The following FAM13B variants were observed in gnomAD, a reference collection of about 807,000 sequenced individuals.
The protein encoded by FAM13B is protein FAM13B.
A neutral mutation model predicts 117.3 loss-of-function variants in FAM13B; 60 were observed. That is an observed-to-expected ratio of 0.51 (90% CI 0.42 to 0.63). The LOEUF is 0.63. FAM13B is among the 30% of genes least tolerant of loss of function. The pLI is 0.00. For missense variants in FAM13B, 972 were observed against 1,091.9 expected, an observed-to-expected ratio of 0.89 and a Z score of 1.55; for synonymous variants, 332 against 356.1, an observed-to-expected ratio of 0.93 and a Z score of 0.76.
Position 138,018,948 on chromosome 5 carries a change from T to G in FAM13B, c.157+7A>C, listed in dbSNP as rs564004929. The G allele has an allele frequency of 1.6e-4, 254 of 1,601,822 alleles. 5 individuals carry two copies. In the South Asian group the frequency reaches 2.7e-3, roughly 17 times the overall value. The stretch of plus-strand genomic sequence containing the variant: ...AAAGCTAGCCCTCAAAGTAAGGAAA[T>G]GTATACCATGTTCCTCAATATAGTC... On this transcript the variant is annotated splice_region_variant and intron_variant, in intron 3 of 23. Transcript: ENST00000689681.
chr5:137,940,329 G>A lies in FAM13B; in HGVS notation c.2710C>T (p.Arg904Cys), dbSNP rs1761260411. The A allele has an allele frequency of 3.7e-6, 6 of 1,604,194 alleles. No individual in the cohort carries two copies. The highest frequency in any genetic ancestry group is 5.1e-6 in the Non-Finnish European group (6 of 1,173,446). The change falls in exon 24 of 24, where the codon CGT (arginine) becomes TGT (cysteine). Residue 904 changes from arginine to cysteine, a missense_variant. Arg to Cys is a radical substitution (Grantham distance 180, BLOSUM62 -3). Transcript: ENST00000689681. ...CTGTACTCCTCAAGCACTGGAACAC[G>A]ATCCTCTTTCTGGGCATTCCTAGGG... ...QNGRNAQKED[R>C]VPVLEEYREY... is the part of the protein sequence containing the mutation.
Position 138,018,285 on chromosome 5 carries a change from G to A in FAM13B, c.370+17C>T, listed in dbSNP as rs535360258. The A allele has an allele frequency of 7.4e-5, 117 of 1,586,624 alleles. No individual in the cohort carries two copies. In the East Asian group the frequency reaches 2.3e-3, roughly 31 times the overall value. ...TTAACAACAAATGACCAATTGATAA[G>A]TATCAAATTATGTTACCTTGAGAAA... On this transcript the variant is annotated intron_variant, in intron 4 of 23. Transcript: ENST00000689681.
At chr5:138,051,574 TAGTC>T (rs1176553109) in intron 1 of FAM13B, among the ~76,000 whole-genome samples, 4 of 152,344 alleles carry the variant, frequency 2.6e-5, no homozygotes, top group East Asian at 1.9e-4. Context: ...TTGTATTACT[TAGTC>T]AGTGAATTCT....
At chr5:137,944,763 C>A (rs200345221) in intron 20 of FAM13B, among the ~76,000 whole-genome samples, 68 of 147,492 alleles carry the variant, frequency 4.6e-4, no homozygotes, top group African/African-American at 7.1e-4. Flanking sequence ...ATCTCAAAAA[C>A]AAAAAAAAAA....
chr5:138,051,624 C>T (rs1216945783), intron 1 of FAM13B, among the ~76,000 whole-genome samples: 1 of 152,174 alleles, frequency 6.6e-6, no homozygotes. Flanking sequence ...CTGATTGCAA[C>T]GTCTTCATTT....
intron 10 of FAM13B, among the ~76,000 whole-genome samples, chr5:137,972,313 C>A (rs1268197617): frequency 5.9e-5 from 9 of 151,804 alleles, no homozygotes; most frequent in African/African-American, 1.7e-4. Context: ...TCAATATACA[C>A]AAATCAATAA....
At chr5:137,947,398 C>G (rs550338769) in intron 18 of FAM13B, among the ~76,000 whole-genome samples, 1 of 152,120 alleles carries the variant, frequency 6.6e-6, no homozygotes, top group African/African-American at 2.4e-5. Flanking sequence ...AAAGATAATA[C>G]ATTTGCATAA....
In FAM13B at chr5:138,033,079, T is replaced by G; in HGVS notation, c.-500A>C. On this transcript the variant is annotated 5_prime_UTR_variant, in exon 1 of 24. Transcript: ENST00000689681. ...TAACGGCGAGCGGGAGGAGAGCGGC[T>G]GGCGGGCGGAGGCCGGGCCGGACGT... The G allele has an allele frequency of 1.1e-6, 1 of 949,056 alleles. No individual in the cohort carries two copies. The highest frequency in any genetic ancestry group is 1.2e-6 in the Non-Finnish European group (1 of 818,990). The allele number at this position is 949,056 out of a possible 1,614,324, so 58.8% of individuals were successfully genotyped here.
chr5:138,001,837 T>A (rs959610122), intron 7 of FAM13B, among the ~76,000 whole-genome samples: 2 of 151,998 alleles, frequency 1.3e-5, no homozygotes, highest in Non-Finnish European at 2.9e-5. Flanking sequence ...AGAAGAACAG[T>A]CCAGTGCAAA....
chr5:137,990,873 A>C (rs1296042836), intron 7 of FAM13B, among the ~76,000 whole-genome samples: 1 of 152,192 alleles, frequency 6.6e-6, no homozygotes, highest in African/African-American at 2.4e-5. Context: ...AAAGGCTATG[A>C]AACTGGCATG....
At chr5:138,002,174 T>C (rs1781431916) in intron 7 of FAM13B, among the ~76,000 whole-genome samples, 1 of 152,210 alleles carries the variant, frequency 6.6e-6, no homozygotes, top group South Asian at 2.1e-4. Flanking sequence ...AAAGTACTTT[T>C]ATAATTTTTA....
upstream of FAM13B, among the ~76,000 whole-genome samples, chr5:138,035,301 G>A (rs77915370): frequency 0.13 from 19,898 of 151,718 alleles, 1,553 homozygotes; most frequent in Non-Finnish European, 0.17. Context: ...GTGAGCCACC[G>A]TGCCCGGCCT....
At chr5:137,985,513 C>G (rs757928980) in intron 9 of FAM13B, 124 bp from the exon 10 acceptor site, 63 of 851,856 alleles carry the variant, frequency 7.4e-5, no homozygotes, top group Non-Finnish European at 1.0e-4. Context: ...GTGTACCTTT[C>G]ACAAAAATCC....
rs1041163054 is a variant in FAM13B, at chr5:138,044,518, C to T, written c.-203+7360G>A. On this transcript the variant is annotated intron_variant, in intron 1 of 3. Coordinates refer to the FAM13B transcript ENST00000502471. ...AGTGACCCAAGATCACACCATTGCACTCCAGCCTGGGCGACAGAGCAAGAC... is the reference window on the plus strand; with the variant it reads ...AGTGACCCAAGATCACACCATTGCATTCCAGCCTGGGCGACAGAGCAAGAC... 4.7e-5 allele frequency among the ~76,000 whole-genome samples: 7 copies of T among 149,928 alleles called. No homozygotes were observed. The Admixed American group carries it at 4.7e-4, about 10-fold the overall frequency.
intron 1 of FAM13B, among the ~76,000 whole-genome samples, chr5:138,045,598 T>C (rs922408673): frequency 6.6e-6 from 1 of 152,072 alleles, no homozygotes; most frequent in Admixed American, 6.6e-5. Flanking sequence ...TGTTGAATCA[T>C]AGCAATAAAG....
chr5:138,021,290 T>C, intron 1 of FAM13B, 93 bp from the exon 2 acceptor site: 1 of 965,998 alleles, frequency 1.0e-6, no homozygotes, highest in Non-Finnish European at 1.3e-6. Context: ...TCTTAAGAGG[T>C]TACCTATATT....
chr5:138,044,383 C>G (rs949070684), intron 1 of FAM13B, among the ~76,000 whole-genome samples: 1 of 152,006 alleles, frequency 6.6e-6, no homozygotes, highest in Non-Finnish European at 1.5e-5. Flanking sequence ...GAAACCCAGT[C>G]TCTAATAAAA....
intron 10 of FAM13B, among the ~76,000 whole-genome samples, chr5:137,983,368 AG>A (rs1173814283): frequency 1.3e-5 from 2 of 152,102 alleles, no homozygotes; most frequent in African/African-American, 2.4e-5. Flanking sequence ...GAATGGTCGG[AG>A]GAAAGGATCA....
intron 4 of FAM13B, among the ~76,000 whole-genome samples, chr5:138,013,329 A>G (rs1003018448): frequency 7.9e-5 from 12 of 151,958 alleles, no homozygotes; most frequent in African/African-American, 2.9e-4. Context: ...GTGAAATCCC[A>G]TCTCTACTAA....
Sources: gnomAD v4.1 joint callset for allele counts (sites outside exome capture counted in the v4.1 genomes callset) on GRCh38, gnomAD v4.1.1 for gene constraint, MANE v1.5 for transcripts, NCBI Gene and HGNC (gene_info 2026-07-23, HGNC 2026-07-21) for gene names.